The following NLRP5 variants were observed in gnomAD, a reference collection of about 807,000 sequenced individuals.
NLRP5 encodes NLR family pyrin domain containing 5.
In NLRP5, 93 loss-of-function variants were observed where a neutral mutation model predicts 113.1. The observed-to-expected ratio is 0.82, with a 90% CI of 0.70 to 0.98. The LOEUF is 0.98. Among genes scored for constraint, NLRP5 ranks in the 50% least tolerant of loss-of-function variants. The probability of loss-of-function intolerance (pLI) is 0.00; values close to 1 mark genes in which losing one functional copy is unlikely to be tolerated. For synonymous variants in NLRP5, 751 were observed against 600.7 expected (o/e 1.25, Z -3.66); for missense variants, 1,808 against 1,514.3 (o/e 1.19, Z -3.22).
intron 9 of NLRP5, among the ~76,000 whole-genome samples, chr19:56,034,549 G>A (rs540972519): frequency 1.1e-3 from 170 of 152,318 alleles, no homozygotes; most frequent in South Asian, 7.7e-3. Context: ...TAACCAAGAT[G>A]CTCTGGGGTC....
chr19:55,990,811 C>G, the NLRP5 span, among the ~76,000 whole-genome samples: 1 of 151,996 alleles, frequency 6.6e-6, no homozygotes, highest in Non-Finnish European at 1.5e-5. Flanking sequence ...GGCGACGGAG[C>G]AAGACTCTGT....
chr19:56,052,047 A>G (rs1221603811), intron 12 of NLRP5, among the ~76,000 whole-genome samples: 2 of 152,148 alleles, frequency 1.3e-5, no homozygotes, highest in Non-Finnish European at 2.9e-5. Flanking sequence ...TTGAGATGGC[A>G]TTTAAGTGCT....
chr19:55,999,510 A>G (rs974831698), upstream of NLRP5, among the ~76,000 whole-genome samples: 2 of 151,130 alleles, frequency 1.3e-5, no homozygotes, highest in African/African-American at 4.9e-5. Flanking sequence ...ACCGTGACAT[A>G]CTCTTCTGCT....
At chr19:56,058,058 G>T (rs1174377690) in intron 13 of NLRP5, among the ~76,000 whole-genome samples, 182 bp from the exon 14 acceptor site, 1 of 150,762 alleles carries the variant, frequency 6.6e-6, no homozygotes, top group Non-Finnish European at 1.5e-5. Flanking sequence ...GAATATTTGG[G>T]TCTTTCATCA....
At chr19:56,061,246 T>C (rs1363893806) in intron 14 of NLRP5, 150 bp from the exon 15 acceptor site, 14 of 667,702 alleles carry the variant, frequency 2.1e-5, no homozygotes, top group Middle Eastern at 4.5e-4. Context: ...ACTCAATAAT[T>C]TGTTAGTCAT....
At chr19:55,994,959 A>G (rs1326413074), upstream of NLRP5, among the ~76,000 whole-genome samples, 1 of 152,146 alleles carries the variant, frequency 6.6e-6, no homozygotes, top group African/African-American at 2.4e-5. Flanking sequence ...AATTCTGCAT[A>G]TGGTTATCCC....
intron 9 of NLRP5, among the ~76,000 whole-genome samples, chr19:56,037,738 G>T (rs939789929): frequency 6.7e-6 from 1 of 149,436 alleles, no homozygotes; most frequent in Non-Finnish European, 1.5e-5. Flanking sequence ...GGGTTGCTAT[G>T]AATGTTGAGA....
upstream of NLRP5, among the ~76,000 whole-genome samples, chr19:55,995,922 A>G (rs1981309649): frequency 6.6e-6 from 1 of 152,032 alleles, no homozygotes; most frequent in South Asian, 2.1e-4. Flanking sequence ...TTTGCATCAT[A>G]CTGAGTTCAT....
intron 13 of NLRP5, among the ~76,000 whole-genome samples, chr19:56,055,375 G>A (rs2637107): frequency 0.4 from 60,569 of 151,234 alleles, 12,272 homozygotes; most frequent in African/African-American, 0.43. Context: ...TTCTTTCTAC[G>A]TGGTCATGTC....
intron 3 of NLRP5, 58 bp from the exon 4 acceptor site, chr19:56,015,684 T>G: frequency 7.1e-7 from 1 of 1,402,098 alleles, no homozygotes; most frequent in Non-Finnish European, 9.7e-7. Flanking sequence ...CCAACATCTC[T>G]GATTTGAATA....
rs1190505267 is a variant in NLRP5 at position 56,049,548 on chromosome 19, T to TC, written c.2958-868dup. 2.6e-5 allele frequency among the ~76,000 whole-genome samples: 4 copies of TC among 152,060 alleles called. No individual in the cohort carries two copies. In the East Asian group the frequency reaches 7.8e-4, roughly 30 times the overall value. Reference sequence around the variant, plus strand: ...TGGTCTCGAACTCTTGACCTGGTGATCCTCCCGCCTTGGCCTCCCAAAGTG... The same window carrying TC: ...TGGTCTCGAACTCTTGACCTGGTGATCCCTCCCGCCTTGGCCTCCCAAAGTG... On this transcript the variant is annotated intron_variant, in intron 11 of 14. Coordinates refer to ENST00000390649, the MANE Select transcript of NLRP5 (RefSeq NM_153447.4).
chr19:56,032,703 G>C lies in NLRP5; in HGVS notation c.2369G>C (p.Ser790Thr). The C allele has an allele frequency of 6.2e-7, 1 of 1,613,668 alleles. No homozygotes were observed. Among genetic ancestry groups the C allele is most frequent in the Non-Finnish European group, 8.5e-7 (1 of 1,179,826 alleles). Residue 790 changes from serine (S) to threonine (T), a missense_variant, in exon 8 of 15, where the codon AGC becomes ACC. Transcript: ENST00000390649. ...CACCTGCGGCAGCTGGACCTGGGCA[G>C]CAGCATCCTGACAGAGCGGGCCATG...
intron 13 of NLRP5, among the ~76,000 whole-genome samples, chr19:56,055,796 T>A (rs374678803): frequency 6.6e-6 from 1 of 151,140 alleles, no homozygotes; most frequent in East Asian, 2.0e-4. Context: ...CTGCCCGCCT[T>A]GGCCTCCCAA....
chr19:56,053,933 CA>C, intron 13 of NLRP5, 125 bp downstream of exon 13: 1 of 801,338 alleles, frequency 1.2e-6, no homozygotes, highest in Non-Finnish European at 2.0e-6. Flanking sequence ...AGATGGAGTG[CA>C]ACCTTCGCAG....
At chr19:56,046,242 G>T (rs1036727092) in intron 11 of NLRP5, among the ~76,000 whole-genome samples, 2 of 152,088 alleles carry the variant, frequency 1.3e-5, no homozygotes, top group Non-Finnish European at 2.9e-5. Flanking sequence ...AGTTTATGTG[G>T]TGTATCACAT....
At chr19:55,996,340 T>A (rs1023766524), upstream of NLRP5, among the ~76,000 whole-genome samples, 1 of 152,108 alleles carries the variant, frequency 6.6e-6, no homozygotes, top group Non-Finnish European at 1.5e-5. Context: ...GATGTTGAAT[T>A]TTTTTTTCTT....
Position 56,061,615 on chromosome 19 carries a change from T to A in NLRP5, c.*87T>A. 1 of 1,406,036 alleles carries A rather than the reference T, an allele frequency of 7.1e-7. No homozygotes were observed. Among genetic ancestry groups the A allele is most frequent in the Non-Finnish European group, 9.9e-7 (1 of 1,006,500 alleles). 87.1% of individuals were successfully genotyped at this position (1,406,036 alleles called of 1,614,324 possible). On this transcript the variant is annotated 3_prime_UTR_variant, in exon 15 of 15. Coordinates refer to ENST00000390649, the MANE Select transcript of NLRP5 (RefSeq NM_153447.4). ...CAGAGCAAGCTATGCACCTGGGAGT[T>A]CCTTCTCAAAGATGGAGAATGATTT...
the NLRP5 span, chr19:55,988,540 C>A: frequency 6.7e-6 from 1 of 149,190 alleles, no homozygotes; most frequent in African/African-American, 2.5e-5. Context: ...TCATCGTCTT[C>A]TTGCTTCTTC....
At chr19:56,031,541 A>G (rs1018608136) in intron 7 of NLRP5, among the ~76,000 whole-genome samples, 1 of 151,530 alleles carries the variant, frequency 6.6e-6, no homozygotes. Flanking sequence ...TGAGGCAGGA[A>G]AATCACTCGA....
Sources: allele counts gnomAD v4.1 joint callset (sites outside exome capture counted in the v4.1 genomes callset), GRCh38; gene constraint gnomAD v4.1.1; transcripts MANE v1.5; gene names NCBI Gene and HGNC (gene_info 2026-07-23, HGNC 2026-07-21).